The following EEF1AKMT1 variants were observed in gnomAD, a reference collection of about 807,000 sequenced individuals.
The protein encoded by EEF1AKMT1 is EEF1A lysine methyltransferase 1.
A neutral mutation model predicts 21.0 loss-of-function variants in EEF1AKMT1; 18 were observed. The ratio of observed to expected loss-of-function variants is 0.86; its 90% CI spans 0.59 to 1.27. The LOEUF (loss-of-function observed/expected upper bound fraction) is 1.27, where lower values mean the gene tolerates loss of function less well. Among genes scored for constraint, EEF1AKMT1 ranks in the 50% most tolerant of loss-of-function variants. EEF1AKMT1 has a pLI of 0.00. For synonymous variants in EEF1AKMT1, 109 were observed against 94.8 expected (o/e 1.15, Z -0.87); for missense variants, 246 against 258.6 (o/e 0.95, Z 0.33).
chr13:20,766,312 A>G (rs866108744), intron 1 of EEF1AKMT1, among the ~76,000 whole-genome samples: 22 of 143,508 alleles, frequency 1.5e-4, no homozygotes, highest in Middle Eastern at 3.8e-3. Context: ...AAAAAAAAAA[A>G]AAAGAAAGAA....
intron 2 of EEF1AKMT1, among the ~76,000 whole-genome samples, chr13:20,746,459 C>G (rs141904938): frequency 1.5e-4 from 23 of 152,254 alleles, no homozygotes; most frequent in Middle Eastern, 3.4e-3. Flanking sequence ...CCATGTCTAT[C>G]CATTCTTATC....
intron 2 of EEF1AKMT1, among the ~76,000 whole-genome samples, chr13:20,751,808 G>A (rs2058942427): frequency 6.6e-6 from 1 of 152,068 alleles, no homozygotes; most frequent in Admixed American, 6.6e-5. Flanking sequence ...ATTTGTTGGT[G>A]TCTTCAATTT....
intron 3 of EEF1AKMT1, among the ~76,000 whole-genome samples, chr13:20,735,676 C>A (rs778964620): frequency 6.6e-6 from 1 of 152,134 alleles, no homozygotes; most frequent in Non-Finnish European, 1.5e-5. Context: ...GAGTGCCCCA[C>A]CCTTCAATGT....
rs201881201 is a variant in EEF1AKMT1 at position 20,739,058 on chromosome 13, T to TG, written c.145-1254dup. Reference sequence around the variant, plus strand: ...AGACGTATTCAAAGTTTCTTCCTCCTGGGGGGGTCGTGGTCTCGCTGGCTT... The same window carrying TG: ...AGACGTATTCAAAGTTTCTTCCTCCTGGGGGGGGTCGTGGTCTCGCTGGCTT... On this transcript the variant is annotated intron_variant, in intron 2 of 4. Coordinates refer to ENST00000382758, the MANE Select transcript of EEF1AKMT1 (RefSeq NM_001318939.2). 1.5e-3 allele frequency among the ~76,000 whole-genome samples: 233 copies of TG among 152,198 alleles called. 3 individuals carry two copies. In the East Asian group the frequency reaches 0.029, roughly 19 times the overall value.
At chr13:20,768,446 G>C (rs899205840) in intron 1 of EEF1AKMT1, among the ~76,000 whole-genome samples, 34 of 152,318 alleles carry the variant, frequency 2.2e-4, no homozygotes, top group East Asian at 5.8e-4. Context: ...TCTTGGTCTT[G>C]AATGAGTCAG....
intron 2 of EEF1AKMT1, among the ~76,000 whole-genome samples, chr13:20,741,641 G>C (rs148666338): frequency 1.7e-4 from 26 of 151,810 alleles, no homozygotes; most frequent in African/African-American, 6.3e-4. Flanking sequence ...ATTTTTAGTA[G>C]AGATGGGGTC....
At chr13:20,744,204 T>C (rs1165392713) in intron 2 of EEF1AKMT1, among the ~76,000 whole-genome samples, 2 of 152,142 alleles carry the variant, frequency 1.3e-5, no homozygotes, top group Non-Finnish European at 1.5e-5. Flanking sequence ...TTTGGGTATA[T>C]GCCTAGTAAT....
intron 2 of EEF1AKMT1, among the ~76,000 whole-genome samples, chr13:20,750,091 A>G (rs1049972207): frequency 1.3e-5 from 2 of 152,072 alleles, no homozygotes; most frequent in African/African-American, 2.4e-5. Flanking sequence ...TCCTATTTGT[A>G]CATATTTATG....
In EEF1AKMT1 at chr13:20,750,131, A is replaced by C. The variant is rs1595022439; in HGVS notation, c.144+7324T>G. On this transcript the variant is annotated intron_variant, in intron 2 of 4. Transcript: ENST00000382758. Reference sequence around the variant, plus strand: ...ACATGTGATATTTTGTTACATGCACAGAATGTGTAATGATCAAGTCAGGGT... The same window carrying C: ...ACATGTGATATTTTGTTACATGCACCGAATGTGTAATGATCAAGTCAGGGT... 2.0e-5 allele frequency among the ~76,000 whole-genome samples: 3 copies of C among 152,340 alleles called. No homozygotes were observed. The South Asian group carries it at 6.2e-4, about 32-fold the overall frequency.
At chr13:20,773,638 T>G (rs937009815) in intron 1 of EEF1AKMT1, among the ~76,000 whole-genome samples, 1 of 152,230 alleles carries the variant, frequency 6.6e-6, no homozygotes, top group Non-Finnish European at 1.5e-5. Flanking sequence ...GCACCAAGGC[T>G]GCCTAAGGCC....
intron 3 of EEF1AKMT1, among the ~76,000 whole-genome samples, chr13:20,736,894 G>A (rs1377779372): frequency 2.0e-5 from 3 of 151,140 alleles, no homozygotes. Context: ...GCACCACCAC[G>A]CCCAGCTAAT....
At chr13:20,743,983 A>T (rs1330131985) in intron 2 of EEF1AKMT1, among the ~76,000 whole-genome samples, 5 of 152,054 alleles carry the variant, frequency 3.3e-5, no homozygotes, top group Non-Finnish European at 7.4e-5. Context: ...GCTGAGAATG[A>T]TGGCTTCCAC....
chr13:20,732,061 G>A lies in EEF1AKMT1; in HGVS notation c.288C>T (p.Asn96=). ...YQKLRELCRE[N]FSIYIFEYDK... ...CATATTCAAAGATGTATATCGAAAA[G>A]TTTTCTCTGCACAGCTCTCTGAGTT... The change falls in exon 4 of 5, where the codon AAC becomes AAT. Residue 96 remains asparagine (N), a synonymous_variant. Coordinates refer to ENST00000382758, the MANE Select transcript of EEF1AKMT1 (RefSeq NM_001318939.2). 6.2e-7 allele frequency: 1 copy of A among 1,614,154 alleles called. No individual in the cohort carries two copies.
At chr13:20,739,287 A>G (rs953477881) in intron 2 of EEF1AKMT1, among the ~76,000 whole-genome samples, 1 of 152,194 alleles carries the variant, frequency 6.6e-6, no homozygotes, top group African/African-American at 2.4e-5. Flanking sequence ...GAGCAGCAGT[A>G]ACATTTATTG....
intron 2 of EEF1AKMT1, among the ~76,000 whole-genome samples, chr13:20,739,143 G>A (rs2314719): frequency 0.24 from 35,846 of 151,966 alleles, 5,765 homozygotes; most frequent in East Asian, 0.75. Context: ...GGCACATCTG[G>A]AGTTGGTAGT....
chr13:20,739,872 A>G lies in EEF1AKMT1; in HGVS notation c.145-2067T>C, dbSNP rs1215337988. 2.6e-5 allele frequency among the ~76,000 whole-genome samples: 4 copies of G among 152,256 alleles called. No individual in the cohort carries two copies. In the East Asian group the frequency reaches 5.8e-4, roughly 22 times the overall value. ...CTCAGGAGCCCAGCTGGCTTCACCT[A>G]GTGGATCCAGCACTGGGGCCACAGG... On this transcript the variant is annotated intron_variant, in intron 2 of 4. Coordinates refer to ENST00000382758, the MANE Select transcript of EEF1AKMT1 (RefSeq NM_001318939.2).
intron 3 of EEF1AKMT1, among the ~76,000 whole-genome samples, chr13:20,736,085 G>A (rs1446407343): frequency 1.3e-5 from 2 of 152,158 alleles, no homozygotes; most frequent in Non-Finnish European, 2.9e-5. Flanking sequence ...TAAACTGAAG[G>A]ACATGTGTGT....
rs146652269 is a variant in EEF1AKMT1, at chr13:20,740,202, G to A, written c.145-2397C>T. 6.1e-3 allele frequency among the ~76,000 whole-genome samples: 935 copies of A among 152,378 alleles called. 4 individuals are homozygous for A. The highest frequency in any genetic ancestry group is 0.011 in the Non-Finnish European group (718 of 68,038). ...AGTCCCTCACTGCCTGGGGGCCAGCGGTGCCAGCCGGCTGCTCCGAGTGCG... is the reference window on the plus strand; with the variant it reads ...AGTCCCTCACTGCCTGGGGGCCAGCAGTGCCAGCCGGCTGCTCCGAGTGCG... On this transcript the variant is annotated intron_variant, in intron 2 of 4. Coordinates refer to ENST00000382758, the MANE Select transcript of EEF1AKMT1 (RefSeq NM_001318939.2).
chr13:20,760,521 A>G (rs1481397090), intron 1 of EEF1AKMT1, among the ~76,000 whole-genome samples: 1 of 152,060 alleles, frequency 6.6e-6, no homozygotes, highest in Non-Finnish European at 1.5e-5. Context: ...GAAATAATAG[A>G]TACTAGGGAC....
Sources: gnomAD v4.1 joint callset for allele counts (sites outside exome capture counted in the v4.1 genomes callset) on GRCh38, gnomAD v4.1.1 for gene constraint, MANE v1.5 for transcripts, NCBI Gene and HGNC (gene_info 2026-07-23, HGNC 2026-07-21) for gene names.